The following GON4L variants were observed in gnomAD, a reference collection of about 807,000 sequenced individuals.
The protein encoded by GON4L is GON-4-like protein.
Under a neutral mutation model 211.8 loss-of-function variants are expected in GON4L, and 87 were observed. The observed-to-expected ratio is 0.41, with a 90% confidence interval of 0.35 to 0.49. The LOEUF (loss-of-function observed/expected upper bound fraction) is 0.49, where lower values mean the gene tolerates loss of function less well. GON4L is among the 20% of genes least tolerant of loss of function. The pLI is 0.15. For synonymous variants in GON4L, 875 were observed against 962.6 expected (o/e 0.91, Z 1.68); for missense variants, 2,155 against 2,659.5 (o/e 0.81, Z 4.17).
Position 155,785,333 on chromosome 1 carries a change from C to T in GON4L, c.1788+1G>A, listed in dbSNP as rs776518584. 2 of 1,575,626 alleles carry T rather than the reference C, an allele frequency of 1.3e-6. No individual in the cohort carries two copies. The highest frequency in any genetic ancestry group is 3.3e-5 in the Admixed American group (2 of 59,972). ...GTTCTCACTCGAGGATCATTACTCA[C>T]AGTTTCAAACAGCTCTTCCATCAGC... On this transcript the variant is annotated splice_donor_variant, in intron 13 of 31. Transcript: ENST00000368331. LOFTEE classifies it high-confidence loss of function.
intron 19 of GON4L, 116 bp downstream of exon 19, chr1:155,770,950 AG>A (rs1167392016): frequency 1.2e-5 from 17 of 1,400,768 alleles, no homozygotes; most frequent in Non-Finnish European, 1.5e-5. Flanking sequence ...TCTAGTGTAA[AG>A]TGGGAGAAAT....
At chr1:155,854,691 T>C (rs959289712) in intron 1 of GON4L, among the ~76,000 whole-genome samples, 1 of 152,218 alleles carries the variant, frequency 6.6e-6, no homozygotes, top group Non-Finnish European at 1.5e-5. Context: ...TAAACAGGTA[T>C]TTCCATTAAT....
downstream of GON4L, chr1:155,747,775 T>C: frequency 6.2e-7 from 1 of 1,613,862 alleles, no homozygotes; most frequent in African/African-American, 1.3e-5. Flanking sequence ...TTCCAGATCC[T>C]GTGTGACCTG....
chr1:155,850,292 A>G (rs73002914), intron 2 of GON4L, among the ~76,000 whole-genome samples: 217 of 152,354 alleles, frequency 1.4e-3, no homozygotes, highest in African/African-American at 5.1e-3. Flanking sequence ...TATTCTAAAA[A>G]ATTGTGTAGA....
chr1:155,811,475 GC>G (rs1291944413), intron 10 of GON4L, among the ~76,000 whole-genome samples: 1 of 150,746 alleles, frequency 6.6e-6, no homozygotes, highest in East Asian at 1.9e-4. Flanking sequence ...GATTGATTGG[GC>G]TGGGTGCATT....
chr1:155,854,691 T>A (rs959289712), intron 1 of GON4L, among the ~76,000 whole-genome samples: 1 of 152,218 alleles, frequency 6.6e-6, no homozygotes, highest in South Asian at 2.1e-4. Flanking sequence ...TAAACAGGTA[T>A]TTCCATTAAT....
At chr1:155,794,244 G>A (rs1453021124) in intron 12 of GON4L, among the ~76,000 whole-genome samples, 1 of 151,956 alleles carries the variant, frequency 6.6e-6, no homozygotes, top group Non-Finnish European at 1.5e-5. Context: ...GCTAATTTTT[G>A]TATTTTTAGT....
chr1:155,834,976 G>C (rs1470882534), intron 2 of GON4L, among the ~76,000 whole-genome samples: 2 of 152,102 alleles, frequency 1.3e-5, no homozygotes, highest in Non-Finnish European at 2.9e-5. Context: ...TCTGGGAGGT[G>C]TACCCAACAG....
rs764710959 is a variant in GON4L, at chr1:155,777,697, G to A, written c.2016C>T (p.Pro672=). ...KQLQEVEKVK[P]QSEKVHQTLI... ...GAGTCTGATGAACTTTCTCACTCTG[G>A]GGTTTAACCTTCTCTACTTCCTGCA... is the stretch of plus-strand genomic sequence containing the variant. The change falls in exon 15 of 32, where the codon CCC becomes CCT. Residue 672 remains proline (P), a synonymous_variant. Transcript: ENST00000368331. 3 of 1,613,338 alleles carry A rather than the reference G, an allele frequency of 1.9e-6. No individual in the cohort carries two copies. Among genetic ancestry groups the A allele is most frequent in the Non-Finnish European group, 2.5e-6 (3 of 1,179,482 alleles).
chr1:155,833,462 C>T (rs1337425557), intron 2 of GON4L, among the ~76,000 whole-genome samples: 8 of 151,344 alleles, frequency 5.3e-5, no homozygotes, highest in African/African-American at 1.7e-4. Context: ...ATCCTGGCTA[C>T]GGGGAAACCC....
chr1:155,775,305 T>C, intron 16 of GON4L, 132 bp from the exon 17 acceptor site: 2 of 1,203,522 alleles, frequency 1.7e-6, no homozygotes, highest in Non-Finnish European at 1.2e-6. Context: ...ATAAAGTCTT[T>C]CACAATAAAC....
chr1:155,839,460 C>A (rs1670587994), intron 2 of GON4L, among the ~76,000 whole-genome samples: 1 of 151,908 alleles, frequency 6.6e-6, no homozygotes. Context: ...ACCAGCCTGG[C>A]CAAGATGGTG....
At chr1:155,790,900 C>T (rs944743000) in intron 12 of GON4L, among the ~76,000 whole-genome samples, 2 of 151,010 alleles carry the variant, frequency 1.3e-5, no homozygotes, top group South Asian at 2.1e-4. Flanking sequence ...GCTGAGATGG[C>T]GCCACGGCAC....
chr1:155,786,953 G>T (rs148224222), intron 12 of GON4L, among the ~76,000 whole-genome samples: 1,525 of 150,938 alleles, frequency 0.01, 23 homozygotes, highest in African/African-American at 0.034. Flanking sequence ...ACGGAGTCTT[G>T]CTCTGTCGCC....
At chr1:155,838,796 AAAT>A (rs1011704455) in intron 2 of GON4L, among the ~76,000 whole-genome samples, 2 of 150,280 alleles carry the variant, frequency 1.3e-5, no homozygotes, top group African/African-American at 4.9e-5. Flanking sequence ...AAAAAATTAT[AAAT>A]AATAATAATA....
At chr1:155,774,642 C>T (rs983721738) in intron 17 of GON4L, among the ~76,000 whole-genome samples, 1 of 152,086 alleles carries the variant, frequency 6.6e-6, no homozygotes. Flanking sequence ...AAAAGCTAAA[C>T]ATGACCAAAC....
chr1:155,745,235 C>T (rs553450862), downstream of GON4L, among the ~76,000 whole-genome samples: 2 of 152,156 alleles, frequency 1.3e-5, no homozygotes, highest in South Asian at 4.2e-4. Context: ...CCATATTGAG[C>T]AAAAGACAGA....
intron 10 of GON4L, among the ~76,000 whole-genome samples, chr1:155,812,777 G>C (rs1050290339): frequency 4.6e-5 from 7 of 152,000 alleles, no homozygotes; most frequent in Non-Finnish European, 7.4e-5. Flanking sequence ...GGCTGGTCTC[G>C]AACTCCTGAC....
chr1:155,819,560 C>T (rs1355777622), intron 6 of GON4L, among the ~76,000 whole-genome samples: 1 of 151,682 alleles, frequency 6.6e-6, no homozygotes, highest in African/African-American at 2.4e-5. Context: ...CCAGCCTAGA[C>T]CTGTTTCTTC....
Sources: gnomAD v4.1 joint callset for allele counts (sites outside exome capture counted in the v4.1 genomes callset) on GRCh38, gnomAD v4.1.1 for gene constraint, MANE v1.5 for transcripts, NCBI Gene and HGNC (gene_info 2026-07-23, HGNC 2026-07-21) for gene names.